Variants in ARSB observed in about 807,000 individuals in gnomAD.
ARSB encodes the protein N-acetylgalactosamine-4-sulfatase.
A neutral mutation model predicts 50.9 loss-of-function variants in ARSB; 41 were observed. The ratio of observed to expected loss-of-function variants is 0.81; its 90% CI spans 0.63 to 1.04. ARSB has a LOEUF of 1.04. Ranked by LOEUF, ARSB falls within the 50% of genes least tolerant of loss-of-function variation. The pLI is 0.00. For synonymous variants in ARSB, 269 were observed against 284.8 expected (o/e 0.94, Z 0.56); for missense variants, 672 against 693.3 (o/e 0.97, Z 0.35).
chr5:78,839,662 A>T (rs1206006673), intron 5 of ARSB, among the ~76,000 whole-genome samples: 3 of 152,326 alleles, frequency 2.0e-5, no homozygotes, highest in Admixed American at 1.3e-4. Context: ...AAGATATTTT[A>T]AAAAATGATT....
rs560823654 is a variant in ARSB at position 78,955,441 on chromosome 5, T to G, written c.752A>C (p.Tyr251Ser). 1.2e-6 allele frequency: 2 copies of G among 1,614,190 alleles called. No homozygotes were observed. The highest frequency in any genetic ancestry group is 1.7e-5 in the Admixed American group (1 of 60,028). ...VHEPLQVPEE[Y>S]LKPYDFIQDK... ...TTGGATAAAGTCATATGGCTTCAAG[T>G]ATTCCTCAGGGACCTGAAGGGGCTC... The change falls in exon 4 of 8, where the codon TAC becomes TCC. Residue 251 changes from tyrosine to serine, a missense_variant. Tyr to Ser is a moderately radical substitution (Grantham distance 144). Coordinates refer to ENST00000264914, the MANE Select transcript of ARSB (RefSeq NM_000046.5).
At chr5:78,780,745 C>T in intron 7 of ARSB, 83 bp from the exon 8 acceptor site, 2 of 1,532,468 alleles carry the variant, frequency 1.3e-6, no homozygotes. Flanking sequence ...GAGGCCAAGG[C>T]TGCACTGGGT....
At chr5:78,813,047 A>G (rs1029455840) in intron 6 of ARSB, among the ~76,000 whole-genome samples, 1 of 151,966 alleles carries the variant, frequency 6.6e-6, no homozygotes. Flanking sequence ...GTGTACAGAG[A>G]TGGAATAAGT....
intron 5 of ARSB, chr5:78,885,264 G>C (rs1316391201): frequency 1.5e-5 from 6 of 401,772 alleles, no homozygotes; most frequent in Non-Finnish European, 2.6e-5. Context: ...AACAGGACTA[G>C]TTCCCTGACC....
rs886060781 is a variant in ARSB, at chr5:78,777,757, C to CAGG, written c.*2637_*2639dup. On this transcript the variant is annotated 3_prime_UTR_variant, in exon 8 of 8. Transcript: ENST00000264914. ...AATCCAGCTACTTGGGAGGCTGAGG[C>CAGG]AGGAGAATAGCTTGAACCTGGGAGT... is the stretch of plus-strand genomic sequence containing the variant. 5 of 145,612 alleles carry CAGG rather than the reference C, an allele frequency of 3.4e-5. No homozygotes were observed. The highest frequency in any genetic ancestry group is 1.4e-4 in the Admixed American group (2 of 13,822). 9.0% of individuals were successfully genotyped at this position (145,612 alleles called of 1,614,324 possible).
intron 6 of ARSB, among the ~76,000 whole-genome samples, chr5:78,791,145 C>T (rs1471094029): frequency 6.6e-6 from 1 of 152,206 alleles, no homozygotes; most frequent in Non-Finnish European, 1.5e-5. Flanking sequence ...TGCATATTTA[C>T]TTACAGTAAA....
chr5:78,822,706 C>T (rs187112222), intron 6 of ARSB, among the ~76,000 whole-genome samples: 184 of 152,272 alleles, frequency 1.2e-3, no homozygotes, highest in Admixed American at 1.6e-3. Context: ...GGCGTGATCT[C>T]GGCTTACTGC....
intron 5 of ARSB, among the ~76,000 whole-genome samples, chr5:78,862,055 C>A (rs1371481725): frequency 6.6e-6 from 1 of 152,144 alleles, no homozygotes; most frequent in Non-Finnish European, 1.5e-5. Context: ...ATCCAACTTA[C>A]AAGGGATGTG....
chr5:78,941,064 C>A (rs1004075552), intron 4 of ARSB, among the ~76,000 whole-genome samples: 1 of 149,716 alleles, frequency 6.7e-6, no homozygotes, highest in Non-Finnish European at 1.5e-5. Flanking sequence ...TGGGAGTTCA[C>A]TCATGATTTG....
chr5:78,917,326 A>G (rs1346916446), intron 4 of ARSB, among the ~76,000 whole-genome samples: 1 of 152,180 alleles, frequency 6.6e-6, no homozygotes, highest in Non-Finnish European at 1.5e-5. Flanking sequence ...CGTCAACTCA[A>G]ATTTTATGAT....
At chr5:78,941,788 T>C (rs1355839175) in intron 4 of ARSB, among the ~76,000 whole-genome samples, 1 of 152,222 alleles carries the variant, frequency 6.6e-6, no homozygotes, top group Non-Finnish European at 1.5e-5. Flanking sequence ...AGGATGATGC[T>C]GGACTCATAA....
chr5:78,952,837 A>C (rs2919650), intron 4 of ARSB, among the ~76,000 whole-genome samples: 79,721 of 151,764 alleles, frequency 0.53, 20,963 homozygotes, highest in East Asian at 0.67. Context: ...GACTTGTTTT[A>C]TAAACTTATG....
chr5:78,973,362 A>C lies in ARSB; in HGVS notation c.313-4170T>G, dbSNP rs1009750031. Among the ~76,000 whole-genome samples, 4 of 152,158 alleles carry C rather than the reference A, an allele frequency of 2.6e-5. No individual in the cohort carries two copies. In the South Asian group the frequency reaches 8.3e-4, roughly 32 times the overall value. ...CTTCTCTCAAAAAACAACTTCTCCT[A>C]AGATTTTACTTGACCATCAAAAATC... On this transcript the variant is annotated intron_variant, in intron 1 of 7. Coordinates refer to ENST00000264914, the MANE Select transcript of ARSB (RefSeq NM_000046.5).
intron 5 of ARSB, among the ~76,000 whole-genome samples, chr5:78,873,091 T>C (rs1302565308): frequency 2.0e-5 from 3 of 152,170 alleles, no homozygotes; most frequent in East Asian, 1.9e-4. Context: ...TCTCCTACTA[T>C]GGAAAAACAG....
At chr5:78,917,170 C>G (rs1749591420) in intron 4 of ARSB, among the ~76,000 whole-genome samples, 1 of 152,164 alleles carries the variant, frequency 6.6e-6, no homozygotes, top group Non-Finnish European at 1.5e-5. Flanking sequence ...AGAGGAAGCT[C>G]AAGTTCAAAG....
At chr5:78,979,461 CAT>C (rs1290126060) in intron 1 of ARSB, among the ~76,000 whole-genome samples, 1 of 152,226 alleles carries the variant, frequency 6.6e-6, no homozygotes, top group Non-Finnish European at 1.5e-5. Context: ...AGAGTTACCA[CAT>C]GATACTAAGA....
At chr5:78,812,401 G>A (rs1415428646) in intron 6 of ARSB, among the ~76,000 whole-genome samples, 1 of 152,148 alleles carries the variant, frequency 6.6e-6, no homozygotes, top group Non-Finnish European at 1.5e-5. Context: ...TCCGAAACCA[G>A]GCTGGGAAAG....
At chr5:78,956,500 T>C (rs2112487869) in intron 3 of ARSB, among the ~76,000 whole-genome samples, 1 of 152,192 alleles carries the variant, frequency 6.6e-6, no homozygotes, top group Admixed American at 6.5e-5. Context: ...TTTAAATGAG[T>C]GAATTTTATG....
rs971610432 is a variant in ARSB, at chr5:78,869,244, G to C, written c.1142+16340C>G. Among the ~76,000 whole-genome samples, 4 of 105,628 alleles carry C rather than the reference G, an allele frequency of 3.8e-5. No homozygotes were observed. In the South Asian group the frequency reaches 1.3e-3, roughly 34 times the overall value. The allele number at this position is 105,628 out of a possible 152,430, so 69.3% of individuals were successfully genotyped here. On this transcript the variant is annotated intron_variant, in intron 5 of 7. Transcript: ENST00000264914. The stretch of plus-strand genomic sequence containing the variant: ...CTTCAATACCCCACTGTCAACATTA[G>C]ACAGATCAACGAGACAGAAAGTCAA...
Sources: allele counts gnomAD v4.1 joint callset (sites outside exome capture counted in the v4.1 genomes callset), GRCh38; gene constraint gnomAD v4.1.1; transcripts MANE v1.5; gene names NCBI Gene and HGNC (gene_info 2026-07-23, HGNC 2026-07-21).